DOK7: variants seen among roughly 807,000 people sequenced by gnomAD.
DOK7 encodes protein Dok-7.
Under a neutral mutation model 30.7 loss-of-function variants are expected in DOK7, and 32 were observed. That is an observed-to-expected ratio of 1.04 (90% CI 0.79 to 1.40). The LOEUF is 1.40. Ranked by LOEUF, DOK7 falls within the 40% of genes most tolerant of loss-of-function variation. The pLI, the probability that DOK7 is intolerant of heterozygous loss-of-function variation, is 0.00. For synonymous variants in DOK7, 447 were observed against 324.1 expected, an observed-to-expected ratio of 1.38 and a Z score of -4.07; for missense variants, 1,007 against 699.2, an observed-to-expected ratio of 1.44 and a Z score of -4.97.
At chr4:3,500,827 G>A in exon 8 of DOK7, 1 of 1,529,402 alleles carries the variant, frequency 6.5e-7, no homozygotes. Context: ...CCGCAGTGAG[G>A]TCACAGCGCC....
intron 6 of DOK7, among the ~76,000 whole-genome samples, chr4:3,490,497 T>C (rs779037809): frequency 0.022 from 1,994 of 90,914 alleles, 10 homozygotes; most frequent in African/African-American, 0.061. Context: ...TTCCTTCCTT[T>C]TCCCCCTGCT....
At chr4:3,486,212 A>T (rs952342928) in intron 5 of DOK7, among the ~76,000 whole-genome samples, 1 of 151,910 alleles carries the variant, frequency 6.6e-6, no homozygotes, top group African/African-American at 2.4e-5. Context: ...TGGCTGCGGC[A>T]CTCTCTGCAG....
At position 3,493,747 on chromosome 4, in the gene DOK7, TG is replaced by T; in HGVS notation, c.*247del. 4.2e-6 allele frequency: 6 copies of T among 1,418,158 alleles called. No individual in the cohort carries two copies. In the South Asian group the frequency reaches 7.7e-5, roughly 18 times the overall value. 87.8% of individuals were successfully genotyped at this position (1,418,158 alleles called of 1,614,324 possible). The stretch of plus-strand genomic sequence containing the variant: ...CAGGTCGGGGTCACCAGAGCCCCAA[TG>T]CTCAGCTGCTTCACTCCGTGTCCCC... On this transcript the variant is annotated 3_prime_UTR_variant, in exon 7 of 7. Coordinates refer to ENST00000340083, the MANE Select transcript of DOK7 (RefSeq NM_173660.5).
chr4:3,495,609 T>C (rs571165000), downstream of DOK7, among the ~76,000 whole-genome samples: 1 of 152,334 alleles, frequency 6.6e-6, no homozygotes, highest in African/African-American at 2.4e-5. Context: ...CCAGCCTCAG[T>C]ACCCAGTTCC....
intron 2 of DOK7, among the ~76,000 whole-genome samples, chr4:3,465,706 G>A (rs771771005): frequency 4.3e-4 from 66 of 152,238 alleles, no homozygotes; most frequent in Non-Finnish European, 7.1e-4. Flanking sequence ...GCCAGTGGAC[G>A]TCGGGCCGTC....
intron 4 of DOK7, among the ~76,000 whole-genome samples, chr4:3,480,786 C>T (rs927148364): frequency 5.3e-5 from 8 of 151,978 alleles, no homozygotes; most frequent in African/African-American, 1.9e-4. Context: ...GGAGCGCCTT[C>T]AGCAGTTTCT....
At chr4:3,483,936 G>C (rs1727592643) in intron 4 of DOK7, among the ~76,000 whole-genome samples, 1 of 152,202 alleles carries the variant, frequency 6.6e-6, no homozygotes, top group African/African-American at 2.4e-5. Flanking sequence ...GCCCTCATGA[G>C]CCTCTCGGGG....
At chr4:3,496,322 A>G (rs1056409796), downstream of DOK7, among the ~76,000 whole-genome samples, 6 of 152,290 alleles carry the variant, frequency 3.9e-5, no homozygotes, top group South Asian at 1.2e-3. Context: ...GGCATTTTCC[A>G]GGGGCACCCC....
rs763936252 is a variant in DOK7 at position 3,492,783 on chromosome 4, C to T, written c.797C>T (p.Ser266Leu). ...SGGDDRSLSS[S>L]SSEASHLDVS... ...GGGGATGACCGCAGCCTGTCCAGCT[C>T]ATCCTCAGAGGCCAGTCACTTGGAC... The change falls in exon 7 of 7, where the codon TCA (serine) becomes TTA (leucine). Residue 266 changes from serine (S) to leucine (L), a missense_variant. Transcript: ENST00000340083. 36 of 1,612,790 alleles carry T rather than the reference C, an allele frequency of 2.2e-5. No homozygotes were observed. The highest frequency in any genetic ancestry group is 3.3e-4 in the Middle Eastern group (2 of 6,062).
chr4:3,483,612 C>T (rs975809744), intron 4 of DOK7, among the ~76,000 whole-genome samples: 3 of 152,204 alleles, frequency 2.0e-5, no homozygotes, highest in Non-Finnish European at 4.4e-5. Flanking sequence ...TCCGCAGACG[C>T]CGCATGGAAT....
At chr4:3,481,151 G>A (rs1183151542) in intron 4 of DOK7, among the ~76,000 whole-genome samples, 1 of 152,048 alleles carries the variant, frequency 6.6e-6, no homozygotes, top group Admixed American at 6.5e-5. Flanking sequence ...GTTGTAGAGA[G>A]CTGGCTAATT....
downstream of DOK7, among the ~76,000 whole-genome samples, chr4:3,495,580 C>G (rs1728861572): frequency 6.6e-6 from 1 of 152,244 alleles, no homozygotes; most frequent in Admixed American, 6.5e-5. Flanking sequence ...CCACCGCCTG[C>G]TACGGCAGCC....
chr4:3,489,854 C>T (rs1031139996), intron 6 of DOK7, 58 bp downstream of exon 6: 1 of 1,545,196 alleles, frequency 6.5e-7, no homozygotes, highest in Non-Finnish European at 8.8e-7. Flanking sequence ...AGCAGGAGAG[C>T]TCAGGAGGCA....
chr4:3,473,582 A>C lies in DOK7; in HGVS notation c.277A>C (p.Ser93Arg). ...LSQAIMLGFD[S>R]HEAMCAWDAR... The stretch of plus-strand genomic sequence containing the variant: ...CCAGGCCATCATGCTGGGCTTTGAC[A>C]GCCACGAGGCCATGTGTGCGTGGGA... The change falls in exon 3 of 7, where the codon AGC (serine) becomes CGC (arginine). Residue 93 changes from serine (S) to arginine (R), a missense_variant. By Grantham distance (110) the Ser-to-Arg change is moderately radical. Transcript: ENST00000340083. 2 of 1,608,742 alleles carry C rather than the reference A, an allele frequency of 1.2e-6. No homozygotes were observed. Among genetic ancestry groups the C allele is most frequent in the Non-Finnish European group, 1.7e-6 (2 of 1,178,088 alleles).
intron 4 of DOK7, among the ~76,000 whole-genome samples, chr4:3,484,311 C>G (rs1044601253): frequency 1.3e-5 from 2 of 152,188 alleles, no homozygotes; most frequent in African/African-American, 2.4e-5. Context: ...GGCCTGAGTT[C>G]CGTGTCCCTG....
chr4:3,469,361 C>T (rs1201843962), intron 2 of DOK7, among the ~76,000 whole-genome samples: 1 of 152,136 alleles, frequency 6.6e-6, no homozygotes, highest in African/African-American at 2.4e-5. Flanking sequence ...CCCCGGGAAC[C>T]CTCCAAGTTC....
exon 8 of DOK7, chr4:3,501,223 C>T: frequency 4.9e-6 from 1 of 202,788 alleles, no homozygotes; most frequent in Non-Finnish European, 1.0e-5. Context: ...TGGATGACAG[C>T]CGTGTCCTGG....
At chr4:3,470,478 G>A (rs915653649) in intron 2 of DOK7, among the ~76,000 whole-genome samples, 2 of 152,208 alleles carry the variant, frequency 1.3e-5, no homozygotes, top group Admixed American at 6.5e-5. Context: ...GACAGGCCGA[G>A]GGGTGGCGTC....
intron 2 of DOK7, 142 bp downstream of exon 2, chr4:3,463,693 C>A: frequency 9.1e-7 from 1 of 1,099,404 alleles, no homozygotes; most frequent in Non-Finnish European, 1.3e-6. Context: ...GGACCCGGAC[C>A]CCCCGGCGCC....
Sources: allele counts gnomAD v4.1 joint callset (sites outside exome capture counted in the v4.1 genomes callset), GRCh38; gene constraint gnomAD v4.1.1; transcripts MANE v1.5; gene names NCBI Gene and HGNC (gene_info 2026-07-23, HGNC 2026-07-21).